The following COL4A4 variants were observed in gnomAD, a reference collection of about 807,000 sequenced individuals.
The protein encoded by COL4A4 is collagen alpha-4(IV) chain.
In COL4A4, 105 loss-of-function variants were observed where a neutral mutation model predicts 192.9. The ratio of observed to expected loss-of-function variants is 0.54; its 90% confidence interval spans 0.46 to 0.64. The LOEUF is 0.64. Ranked by LOEUF, COL4A4 falls within the 30% of genes least tolerant of loss-of-function variation. The pLI is 0.00. For synonymous variants in COL4A4, 762 were observed against 769.9 expected (o/e 0.99, Z 0.17); for missense variants, 1,967 against 2,169.3 (o/e 0.91, Z 1.85).
At position 227,072,386 on chromosome 2, in the gene COL4A4, G is replaced by T. The variant is rs114338022; in HGVS notation, c.1987+5508C>A. ...GAAACCTCAAACAAACCAATAACAA[G>T]CAGTGAGATTGAATCAGTAATTTTT... On this transcript the variant is annotated intron_variant, in intron 25 of 47. Coordinates refer to ENST00000396625, the MANE Select transcript of COL4A4 (RefSeq NM_000092.5). Among the ~76,000 whole-genome samples the T allele has an allele frequency of 4.9e-3, 744 of 151,522 alleles. 6 individuals carry two copies. The highest frequency in any genetic ancestry group is 0.017 in the African/African-American group (716 of 41,354).
chr2:227,119,904 A>T lies in COL4A4; in HGVS notation c.363T>A (p.Asp121Glu). ...ATTTAGGGATACTTACAGGTATGCCATCTAAACCTGGAAATCCAGGAACAC... is the reference window on the plus strand; with the variant it reads ...ATTTAGGGATACTTACAGGTATGCCTTCTAAACCTGGAAATCCAGGAACAC... ...PTGVPGFPGL[D>E]GIPGHPGPPG... The change falls in exon 6 of 48, where the codon GAT becomes GAA. Residue 121 changes from aspartate to glutamate, a missense_variant. By Grantham distance (45) the Asp-to-Glu change is conservative. Coordinates refer to ENST00000396625, the MANE Select transcript of COL4A4 (RefSeq NM_000092.5). 6.3e-7 allele frequency: 1 copy of T among 1,588,650 alleles called. No individual in the cohort carries two copies. The highest frequency in any genetic ancestry group is 1.2e-5 in the South Asian group (1 of 85,248).
At chr2:227,067,431 A>C (rs1455744318) in intron 25 of COL4A4, among the ~76,000 whole-genome samples, 1 of 152,200 alleles carries the variant, frequency 6.6e-6, no homozygotes, top group Non-Finnish European at 1.5e-5. Flanking sequence ...TCTGCACCAC[A>C]CCACACCTAT....
Position 227,007,369 on chromosome 2 carries a change from G to T in COL4A4, c.5029C>A (p.Arg1677Ser), listed in dbSNP as rs759631057. 1.2e-6 allele frequency: 2 copies of T among 1,614,130 alleles called. No individual in the cohort carries two copies. Among genetic ancestry groups the T allele is most frequent in the Non-Finnish European group, 8.5e-7 (1 of 1,180,064 alleles). ...PDTLKESQAQ[R>S]QKISRCQVCV... ...ACCTGGCACCGGCTGATTTTCTGGC[G>T]TTGGGCCTGGCTTTCTTTTAAGGTG... Residue 1677 changes from arginine to serine, a missense_variant, in exon 48 of 48, where the codon CGC becomes AGC. Coordinates refer to ENST00000396625, the MANE Select transcript of COL4A4 (RefSeq NM_000092.5).
Position 227,008,196 on chromosome 2 carries a change from G to T in COL4A4, c.4631C>A (p.Ala1544Asp), listed in dbSNP as rs1575696624. Reference protein sequence around the residue: ...AQRNDRSYWLASAAPLPMMPL... With the variant: ...AQRNDRSYWLDSAAPLPMMPL... ...CATCATGGGGAGGGGCGCAGCGCTG[G>T]CCAGCCAGTAGGATCTGTCGTTTCT... The change falls in exon 47 of 48, where the codon GCC becomes GAC. Residue 1544 changes from alanine (A) to aspartate (D), a missense_variant. Coordinates refer to ENST00000396625, the MANE Select transcript of COL4A4 (RefSeq NM_000092.5). The T allele has an allele frequency of 6.2e-7, 1 of 1,613,994 alleles. No homozygotes were observed. The highest frequency in any genetic ancestry group is 8.5e-7 in the Non-Finnish European group (1 of 1,180,032).
At position 227,020,878 on chromosome 2, in the gene COL4A4, TTC is replaced by T. The variant is rs1276800426; in HGVS notation, c.4216+1168_4216+1169del. Among the ~76,000 whole-genome samples the T allele has an allele frequency of 1.1e-3, 162 of 147,878 alleles. 3 individuals are homozygous for T. Among genetic ancestry groups the T allele is most frequent in the African/African-American group, 4.0e-3 (158 of 39,034 alleles). The stretch of plus-strand genomic sequence containing the variant: ...AACAAACCATTCGGAGAACACTTTT[TTC>T]TTTTTTTTTTTTTTTTGAGATGGAG... On this transcript the variant is annotated intron_variant, in intron 44 of 47. Transcript: ENST00000396625.
At chr2:227,116,064 T>C (rs552700553) in intron 7 of COL4A4, among the ~76,000 whole-genome samples, 5 of 152,302 alleles carry the variant, frequency 3.3e-5, no homozygotes, top group African/African-American at 1.2e-4. Flanking sequence ...AGGCTTTAAT[T>C]AGGTGCTGCA....
rs1268939955 is a variant in COL4A4, at chr2:227,041,798, AAGAAAGG to A, written c.3505+343_3505+349del. ...AGGAAGGAAGGAAGGGAAAGAAAGAAAGAAAGGAAGAAAGAAAGAAAGAAAGAAAGAA... is the reference window on the plus strand; with the variant it reads ...AGGAAGGAAGGAAGGGAAAGAAAGAAAAGAAAGAAAGAAAGAAAGAAAGAA... On this transcript the variant is annotated intron_variant, in intron 37 of 47. Transcript: ENST00000396625. 8.3e-5 allele frequency among the ~76,000 whole-genome samples: 4 copies of A among 48,208 alleles called. 1 individual carries two copies. In the East Asian group the frequency reaches 1.9e-3, roughly 23 times the overall value. The allele number at this position is 48,208 out of a possible 152,430, so 31.6% of individuals were successfully genotyped here. A position where few individuals can be genotyped will look rare whatever the true frequency, so the allele number is the denominator to read the frequency against.
At chr2:227,035,887 G>A (rs555666430) in intron 37 of COL4A4, among the ~76,000 whole-genome samples, 7 of 152,082 alleles carry the variant, frequency 4.6e-5, no homozygotes, top group African/African-American at 1.2e-4. Flanking sequence ...AGGTTGTCAC[G>A]GTCCCAGCCT....
intron 3 of COL4A4, among the ~76,000 whole-genome samples, chr2:227,142,322 A>C (rs547429369): frequency 6.6e-6 from 1 of 152,344 alleles, no homozygotes; most frequent in African/African-American, 2.4e-5. Context: ...AGACAATTAA[A>C]CATTCAAAGT....
rs1973121285 is a variant in COL4A4 at position 227,047,439 on chromosome 2, T to A, written c.3289+36A>T. 4 of 1,483,356 alleles carry A rather than the reference T, an allele frequency of 2.7e-6. No homozygotes were observed. The East Asian group carries it at 6.8e-5, about 25-fold the overall frequency. 91.9% of individuals were successfully genotyped at this position (1,483,356 alleles called of 1,614,324 possible). ...TGTTCTGCTTTTCAAACTAAACTACTTTTTTTGTTTTAGTAAGAAAAATAT... is the reference window on the plus strand; with the variant it reads ...TGTTCTGCTTTTCAAACTAAACTACATTTTTTGTTTTAGTAAGAAAAATAT... On this transcript the variant is annotated intron_variant, in intron 35 of 47. Transcript: ENST00000396625.
intron 30 of COL4A4, among the ~76,000 whole-genome samples, chr2:227,055,414 G>A (rs1473959614): frequency 6.6e-6 from 1 of 151,324 alleles, no homozygotes; most frequent in Non-Finnish European, 1.5e-5. Context: ...AGGATCACTT[G>A]AGCCCAGGAG....
At chr2:227,116,357 C>T (rs1370430910) in intron 7 of COL4A4, among the ~76,000 whole-genome samples, 1 of 152,140 alleles carries the variant, frequency 6.6e-6, no homozygotes, top group Non-Finnish European at 1.5e-5. Flanking sequence ...CTATGTTGAT[C>T]CAAAGAACAT....
intron 25 of COL4A4, among the ~76,000 whole-genome samples, chr2:227,077,406 C>T (rs1340102744): frequency 6.6e-6 from 1 of 152,118 alleles, no homozygotes; most frequent in African/African-American, 2.4e-5. Flanking sequence ...AAACCAAACA[C>T]CGCATGTTCT....
the COL4A4 span, among the ~76,000 whole-genome samples, chr2:226,975,529 G>T: frequency 6.6e-6 from 1 of 152,156 alleles, no homozygotes; most frequent in Non-Finnish European, 1.5e-5. Flanking sequence ...AGCCAGGCCA[G>T]TCCTACTCAG....
chr2:227,052,396 G>A lies in COL4A4; in HGVS notation c.2877C>T (p.Pro959=), dbSNP rs79470996. ...TGATAGCCATTTCTCCTTCATCTCC[G>A]GGAGGTCCTATGGCTCCTATGGATA... ...LRGAKGAIGP[P]GDEGEMAIIS... is the part of the protein sequence containing the mutation. Residue 959 remains proline, a synonymous_variant, in exon 32 of 48, where the codon CCC becomes CCT. Coordinates refer to ENST00000396625, the MANE Select transcript of COL4A4 (RefSeq NM_000092.5). The A allele has an allele frequency of 3.9e-4, 619 of 1,607,260 alleles. 7 individuals carry two copies. The East Asian group carries it at 0.012, about 31-fold the overall frequency.
At chr2:227,030,691 G>A (rs1282263175) in intron 40 of COL4A4, 93 bp from the exon 41 acceptor site, 1 of 941,854 alleles carries the variant, frequency 1.1e-6, no homozygotes, top group East Asian at 2.5e-5. Context: ...ACAATTCAAT[G>A]ACTTGCAAGC....
At chr2:227,014,281 A>G (rs1016496378) in intron 44 of COL4A4, among the ~76,000 whole-genome samples, 2 of 152,184 alleles carry the variant, frequency 1.3e-5, no homozygotes, top group Non-Finnish European at 2.9e-5. Flanking sequence ...GGTAGAAATC[A>G]GCATCTGCCT....
At chr2:227,163,552 A>T (rs2065025764) in intron 1 of COL4A4, among the ~76,000 whole-genome samples, 1 of 152,256 alleles carries the variant, frequency 6.6e-6, no homozygotes, top group Non-Finnish European at 1.5e-5. Context: ...TGTGGTCCGT[A>T]GCACAGGAAA....
chr2:226,970,736 T>C, the COL4A4 span, among the ~76,000 whole-genome samples: 1 of 152,238 alleles, frequency 6.6e-6, no homozygotes, highest in Non-Finnish European at 1.5e-5. Flanking sequence ...CAAAACTGCC[T>C]TGAGGACCAT....
Sources: gnomAD v4.1 joint callset for allele counts (sites outside exome capture counted in the v4.1 genomes callset) on GRCh38, gnomAD v4.1.1 for gene constraint, MANE v1.5 for transcripts, NCBI Gene and HGNC (gene_info 2026-07-23, HGNC 2026-07-21) for gene names.